Variants in PCDHA9 observed in about 807,000 individuals in gnomAD.
PCDHA9 encodes protocadherin alpha-9.
A neutral mutation model predicts 62.0 loss-of-function variants in PCDHA9; 62 were observed. That is an observed-to-expected ratio of 1.00 (90% CI 0.81 to 1.23). PCDHA9 has a LOEUF of 1.23. Among genes scored for constraint, PCDHA9 ranks in the 50% most tolerant of loss-of-function variants. The pLI is 0.00. For synonymous variants in PCDHA9, 557 were observed against 567.6 expected (o/e 0.98, Z 0.27); for missense variants, 1,205 against 1,249.8 (o/e 0.96, Z 0.54).
intron 1 of PCDHA9, among the ~76,000 whole-genome samples, chr5:140,933,412 A>G (rs1466318521): frequency 2.6e-5 from 4 of 152,066 alleles, no homozygotes; most frequent in Non-Finnish European, 5.9e-5. Flanking sequence ...ATCTACAGAT[A>G]TTCTGTGTTC....
intron 1 of PCDHA9, among the ~76,000 whole-genome samples, chr5:140,925,170 A>G (rs2153576816): frequency 6.6e-6 from 1 of 152,194 alleles, no homozygotes; most frequent in East Asian, 1.9e-4. Flanking sequence ...TGTGTAATTG[A>G]CCCCAATGTA....
chr5:140,994,377 G>T (rs1260163825), intron 3 of PCDHA9, among the ~76,000 whole-genome samples: 3 of 152,098 alleles, frequency 2.0e-5, no homozygotes, highest in Non-Finnish European at 4.4e-5. Context: ...GGAAATTCAG[G>T]GGACTAAGTC....
intron 1 of PCDHA9, among the ~76,000 whole-genome samples, chr5:140,977,031 G>A (rs1554238180): frequency 6.6e-6 from 1 of 152,192 alleles, no homozygotes; most frequent in Admixed American, 6.5e-5. Context: ...ATGAATCTAA[G>A]AAGGATGTTG....
At chr5:140,866,161 G>A (rs782713244) in intron 1 of PCDHA9, 17 of 152,170 alleles carry the variant, frequency 1.1e-4, no homozygotes, top group East Asian at 1.9e-4. Context: ...AGTAAGAATC[G>A]TTTAACATGT....
chr5:140,928,043 C>A (rs1554205400), intron 1 of PCDHA9: 1 of 1,614,192 alleles, frequency 6.2e-7, no homozygotes, highest in Non-Finnish European at 8.5e-7. Context: ...AGTGCAGGCC[C>A]TTTTCAGCTG....
At chr5:140,894,193 T>G (rs1481492058) in intron 1 of PCDHA9, among the ~76,000 whole-genome samples, 1 of 152,170 alleles carries the variant, frequency 6.6e-6, no homozygotes, top group Non-Finnish European at 1.5e-5. Context: ...TATATATTTT[T>G]TCTATGCTAT....
chr5:140,972,905 A>C (rs1188926107), intron 1 of PCDHA9, among the ~76,000 whole-genome samples: 18 of 151,782 alleles, frequency 1.2e-4, no homozygotes, highest in African/African-American at 4.4e-4. Flanking sequence ...CTTGTGATCC[A>C]CCCGCCTTGG....
At chr5:140,957,189 G>T (rs1376112973) in intron 1 of PCDHA9, among the ~76,000 whole-genome samples, 1 of 152,174 alleles carries the variant, frequency 6.6e-6, no homozygotes, top group South Asian at 2.1e-4. Context: ...ATTGATGACC[G>T]ATTGGGAATA....
intron 1 of PCDHA9, among the ~76,000 whole-genome samples, chr5:140,964,239 GTTGGC>G (rs2095819198): frequency 6.6e-6 from 1 of 152,180 alleles, no homozygotes; most frequent in African/African-American, 2.4e-5. Context: ...GGCTGATTGT[GTTGGC>G]TTTATATTTG....
intron 3 of PCDHA9, among the ~76,000 whole-genome samples, chr5:140,984,356 A>G (rs556586072): frequency 1.3e-5 from 2 of 152,362 alleles, no homozygotes; most frequent in African/African-American, 4.8e-5. Flanking sequence ...GATATTTCAT[A>G]CATCTGGCCA....
At position 140,916,114 on chromosome 5, in the gene PCDHA9, G is replaced by A. The variant is rs533496476; in HGVS notation, c.2395-62835G>A. On this transcript the variant is annotated intron_variant, in intron 1 of 3. Transcript: ENST00000532602. ...GGGAATCTGCCTGGCCACTGCTGAT[G>A]TTCACTTAAAGCTTAAGGGCTGTTC... 5.9e-5 allele frequency among the ~76,000 whole-genome samples: 9 copies of A among 152,238 alleles called. No homozygotes were observed. In the East Asian group the frequency reaches 1.7e-3, roughly 29 times the overall value.
At chr5:140,964,212 A>G (rs1195642946) in intron 1 of PCDHA9, among the ~76,000 whole-genome samples, 11 of 152,244 alleles carry the variant, frequency 7.2e-5, no homozygotes, top group African/African-American at 2.7e-4. Flanking sequence ...TCTTTAGTAC[A>G]ATGTCTTTCA....
intron 1 of PCDHA9, chr5:140,866,360 T>C (rs2049301570): frequency 6.6e-6 from 1 of 152,128 alleles, no homozygotes; most frequent in South Asian, 2.1e-4. Context: ...GTTTACAATA[T>C]TGCATACTTC....
At chr5:140,882,210 C>G in intron 1 of PCDHA9, 3 of 1,533,604 alleles carry the variant, frequency 2.0e-6, no homozygotes, top group Admixed American at 2.1e-5. Flanking sequence ...CCTTGAGAGA[C>G]AGTTTGAGGT....
intron 1 of PCDHA9, chr5:140,929,360 C>G (rs781864515): frequency 5.3e-6 from 8 of 1,519,748 alleles, no homozygotes; most frequent in Non-Finnish European, 6.2e-6. Flanking sequence ...TTCCTTTGGC[C>G]CGGAGATGGC....
chr5:140,969,264 C>T, intron 1 of PCDHA9: 1 of 1,614,208 alleles, frequency 6.2e-7, no homozygotes, highest in Non-Finnish European at 8.5e-7. Flanking sequence ...AGGAATCTCA[C>T]AGGCCAAAGT....
intron 3 of PCDHA9, among the ~76,000 whole-genome samples, chr5:141,001,404 T>A (rs965496882): frequency 1.3e-4 from 20 of 152,072 alleles, no homozygotes; most frequent in African/African-American, 4.8e-4. Context: ...GAACAGGGAG[T>A]ATATTTTTAC....
chr5:140,985,901 G>A (rs995663051), intron 3 of PCDHA9, among the ~76,000 whole-genome samples: 3 of 151,818 alleles, frequency 2.0e-5, no homozygotes, highest in Non-Finnish European at 2.9e-5. Flanking sequence ...CACCACTCCC[G>A]TCTAATTTTT....
intron 2 of PCDHA9, among the ~76,000 whole-genome samples, chr5:140,979,906 C>T (rs190577549): frequency 1.8e-4 from 27 of 152,204 alleles, no homozygotes; most frequent in African/African-American, 5.5e-4. Context: ...TAGATCAGTT[C>T]GTAAAGAGAA....
Sources: allele counts gnomAD v4.1 joint callset (sites outside exome capture counted in the v4.1 genomes callset), GRCh38; gene constraint gnomAD v4.1.1; transcripts MANE v1.5; gene names NCBI Gene and HGNC (gene_info 2026-07-23, HGNC 2026-07-21).